Variants in FAM234A observed in about 807,000 individuals in gnomAD.
FAM234A encodes family with sequence similarity 234 member A.
FAM234A carries 42 observed loss-of-function variants against 49.1 expected under a neutral mutation model. The ratio of observed to expected loss-of-function variants is 0.86; its 90% CI spans 0.67 to 1.11. FAM234A has a LOEUF of 1.11. FAM234A is among the 50% of genes least tolerant of loss of function. The pLI, the probability that FAM234A is intolerant of heterozygous loss-of-function variation, is 0.00. For synonymous variants in FAM234A, 369 were observed against 316.2 expected (o/e 1.17, Z -1.77); for missense variants, 815 against 745.2 (o/e 1.09, Z -1.09).
intron 3 of FAM234A, among the ~76,000 whole-genome samples, chr16:256,114 G>A (rs1002803580): frequency 2.6e-5 from 4 of 152,216 alleles, no homozygotes; most frequent in Non-Finnish European, 4.4e-5. Context: ...GTTGGCTGAC[G>A]ATCACCTGGA....
Position 262,424 on chromosome 16 carries a change from C to A in FAM234A, c.842C>A (p.Ala281Glu). The A allele has an allele frequency of 6.3e-7, 1 of 1,596,932 alleles. No individual in the cohort carries two copies. The highest frequency in any genetic ancestry group is 1.1e-5 in the South Asian group (1 of 88,802). ...TGAHYILFPCASSLCGCSVKG... is the reference protein window; with the variant it reads ...TGAHYILFPCESSLCGCSVKG... ...TCGGGCCCTTCTGTGTTTTGAATAGCAAGCTCCCTCTGCGGCTGCTCTGTG... is the reference window on the plus strand; with the variant it reads ...TCGGGCCCTTCTGTGTTTTGAATAGAAAGCTCCCTCTGCGGCTGCTCTGTG... Residue 281 changes from alanine (A) to glutamate (E), a missense_variant and splice_region_variant, in exon 8 of 13, where the codon GCA becomes GAA. Physicochemically the swap from Ala to Glu is moderately radical, Grantham distance 107 (BLOSUM62 -1). Transcript: ENST00000399932.
At position 265,565 on chromosome 16, in the gene FAM234A, C is replaced by G; in HGVS notation, c.*543C>G. The G allele has an allele frequency of 1.0e-6, 1 of 985,850 alleles. No homozygotes were observed. Among genetic ancestry groups the G allele is most frequent in the Non-Finnish European group, 1.2e-6 (1 of 830,268 alleles). The allele number at this position is 985,850 out of a possible 1,614,324, so 61.1% of individuals were successfully genotyped here. On this transcript the variant is annotated 3_prime_UTR_variant, in exon 13 of 13. Coordinates refer to ENST00000399932, the MANE Select transcript of FAM234A (RefSeq NM_032039.4). ...CGGGAACCTGAGACAGCTCCAGCTT[C>G]GCAGCCCTTCCCGGAGCTACAGGGG...
intron 12 of FAM234A, 38 bp downstream of exon 12, chr16:264,754 G>T: frequency 1.2e-6 from 2 of 1,607,298 alleles, no homozygotes; most frequent in Non-Finnish European, 8.5e-7. Flanking sequence ...GGTGTTCCGC[G>T]GGGTCTGCCC....
chr16:259,070 C>G (rs995275438), intron 3 of FAM234A, among the ~76,000 whole-genome samples: 7 of 152,214 alleles, frequency 4.6e-5, no homozygotes, highest in Non-Finnish European at 1.0e-4. Flanking sequence ...CGTGAGGCAC[C>G]TTGCCCGGCC....
At chr16:245,224 G>C (rs1427151877) in intron 1 of FAM234A, among the ~76,000 whole-genome samples, 1 of 152,072 alleles carries the variant, frequency 6.6e-6, no homozygotes, top group Non-Finnish European at 1.5e-5. Context: ...ATGCACACCT[G>C]TGGTCCCAGC....
Position 263,770 on chromosome 16 carries a change from A to C in FAM234A, c.1183A>C (p.Arg395=). ...VAVENGTGTD[R]QILFLDLGTG... ...CGTTGAAAACGGAACTGGCACCGACAGACAGGTTCGTTGTTCTTCCTTCGG... is the reference window on the plus strand; with the variant it reads ...CGTTGAAAACGGAACTGGCACCGACCGACAGGTTCGTTGTTCTTCCTTCGG... Residue 395 remains arginine, a synonymous_variant, in exon 10 of 13, where the codon AGA becomes CGA. Transcript: ENST00000399932. The C allele has an allele frequency of 6.2e-7, 1 of 1,612,822 alleles. No individual in the cohort carries two copies. Among genetic ancestry groups the C allele is most frequent in the South Asian group, 1.1e-5 (1 of 91,064 alleles).
chr16:258,075 C>G (rs1474540156), intron 3 of FAM234A, among the ~76,000 whole-genome samples: 2 of 151,636 alleles, frequency 1.3e-5, no homozygotes, highest in East Asian at 1.9e-4. Context: ...AGGCTTGTCT[C>G]GGACTCCTGA....
rs1309873371 is a variant in FAM234A, at chr16:264,921, G to T, written c.1558G>T (p.Val520Phe). ...GATCAAGCACAAGGTGCGGGACCTT[G>T]TCCCAAGCAGCAGGGTGGTCCGCCT... ...SVIKHKVRDL[V>F]PSSRVVRLGE... is the part of the protein sequence containing the mutation. The change falls in exon 13 of 13, where the codon GTC becomes TTC. Residue 520 changes from valine to phenylalanine, a missense_variant. Transcript: ENST00000399932. The T allele has an allele frequency of 4.3e-6, 7 of 1,613,048 alleles. No homozygotes were observed. Among genetic ancestry groups the T allele is most frequent in the Admixed American group, 3.3e-5 (2 of 60,010 alleles).
chr16:266,447 T>C (rs739996), downstream of FAM234A, among the ~76,000 whole-genome samples: 10,223 of 152,032 alleles, frequency 0.067, 1,147 homozygotes, highest in African/African-American at 0.23. Context: ...GAAGGGATGA[T>C]GGTAGGGCCG....
chr16:263,519 T>C, intron 9 of FAM234A, 117 bp downstream of exon 9: 16 of 1,432,632 alleles, frequency 1.1e-5, no homozygotes, highest in Non-Finnish European at 1.5e-5. Context: ...CGTGTGCTGC[T>C]GCCCGGGCTT....
At position 265,696 on chromosome 16, in the gene FAM234A, C is replaced by G; in HGVS notation, c.*674C>G. ...AGGATGGGTGGGGCCTGCTCTGGAG[C>G]TGAGCCCGTGGCCGCTCACAGGTGT... On this transcript the variant is annotated 3_prime_UTR_variant, in exon 13 of 13. Coordinates refer to ENST00000399932, the MANE Select transcript of FAM234A (RefSeq NM_032039.4). 1 of 985,512 alleles carries G rather than the reference C, an allele frequency of 1.0e-6. No homozygotes were observed. Among genetic ancestry groups the G allele is most frequent in the Non-Finnish European group, 1.2e-6 (1 of 830,014 alleles). 61.0% of individuals were successfully genotyped at this position (985,512 alleles called of 1,614,324 possible).
chr16:269,012 G>C, downstream of FAM234A: 1 of 1,411,558 alleles, frequency 7.1e-7, no homozygotes, highest in East Asian at 2.5e-5. Flanking sequence ...TCAGGTAACA[G>C]GCTCTGCCCT....
intron 3 of FAM234A, among the ~76,000 whole-genome samples, chr16:257,768 T>C (rs1459451097): frequency 1.3e-5 from 2 of 152,156 alleles, no homozygotes; most frequent in Non-Finnish European, 2.9e-5. Context: ...GGAGGATCAC[T>C]TGAGGCCTCG....
chr16:252,256 A>T (rs1353721623), intron 2 of FAM234A, among the ~76,000 whole-genome samples: 1 of 144,282 alleles, frequency 6.9e-6, no homozygotes, highest in Non-Finnish European at 1.5e-5. Context: ...ATCTTGGCTC[A>T]CTACAACCTC....
rs1449748786 is a variant in FAM234A, at chr16:260,150, C to G, written c.567C>G (p.Asn189Lys). 6.2e-6 allele frequency: 10 copies of G among 1,613,676 alleles called. No homozygotes were observed. The highest frequency in any genetic ancestry group is 8.5e-6 in the Non-Finnish European group (10 of 1,180,018). The change falls in exon 5 of 13, where the codon AAC (asparagine) becomes AAG (lysine). Residue 189 changes from asparagine to lysine, a missense_variant. Transcript: ENST00000399932. The stretch of plus-strand genomic sequence containing the variant: ...GACCCAGTTCTTTCATTGCAGTCAA[C>G]TTGTTCACAGGTAGGCCAGCCAGGC... ...VGRPSSFIAV[N>K]LFTGETLWNH... is the part of the protein sequence containing the mutation.
In FAM234A at chr16:263,709, C is replaced by T. The variant is rs1319500409; in HGVS notation, c.1122C>T (p.Ile374=). ...PKAAHVLRKP[I]FGRYKPDTLA... ...CTCCATATTGTTCCAGAAAACCCAT[C>T]TTCGGCCGCTACAAACCAGACACCT... is the stretch of plus-strand genomic sequence containing the variant. Residue 374 remains isoleucine, a synonymous_variant, in exon 10 of 13, where the codon ATC becomes ATT. Transcript: ENST00000399932. The T allele has an allele frequency of 5.6e-6, 9 of 1,613,756 alleles. No homozygotes were observed. Among genetic ancestry groups the T allele is most frequent in the Non-Finnish European group, 7.6e-6 (9 of 1,179,702 alleles).
Position 261,181 on chromosome 16 carries a change from C to T in FAM234A, c.578-203C>T, listed in dbSNP as rs111924098. 2.4e-3 allele frequency: 1,342 copies of T among 557,608 alleles called. 15 individuals carry two copies. Among genetic ancestry groups the T allele is most frequent in the African/African-American group, 0.023 (1,210 of 53,298 alleles). 34.5% of individuals were successfully genotyped at this position (557,608 alleles called of 1,614,324 possible). A position where few individuals can be genotyped will look rare whatever the true frequency, so the allele number is the denominator to read the frequency against. ...TCCATACACGGGCAGGACGTGTGTCCACCACCTCCGCGTGCTGCTCCTTCA... is the reference window on the plus strand; with the variant it reads ...TCCATACACGGGCAGGACGTGTGTCTACCACCTCCGCGTGCTGCTCCTTCA... On this transcript the variant is annotated intron_variant, in intron 5 of 12. Transcript: ENST00000399932.
intron 4 of FAM234A, 90 bp from the exon 5 acceptor site, chr16:259,879 G>T: frequency 8.1e-7 from 1 of 1,229,768 alleles, no homozygotes; most frequent in Non-Finnish European, 1.2e-6. Context: ...GAGGTGTGAG[G>T]AAAACAGACC....
chr16:258,155 A>ATTTTTTTTTTTTT (rs577801424), intron 3 of FAM234A, among the ~76,000 whole-genome samples: 1 of 134,082 alleles, frequency 7.5e-6, no homozygotes, highest in African/African-American at 2.7e-5. Context: ...CACCCGGCCT[A>ATTTTTTTTTTTTT]TTTTTTTTTT....
Sources: allele counts gnomAD v4.1 joint callset (sites outside exome capture counted in the v4.1 genomes callset), GRCh38; gene constraint gnomAD v4.1.1; transcripts MANE v1.5; gene names NCBI Gene and HGNC (gene_info 2026-07-23, HGNC 2026-07-21).